Variants in TMPRSS11F observed in about 807,000 individuals in gnomAD.
The protein encoded by TMPRSS11F is transmembrane serine protease 11F.
A neutral mutation model predicts 60.2 loss-of-function variants in TMPRSS11F; 47 were observed. The ratio of observed to expected loss-of-function variants is 0.78; its 90% CI spans 0.62 to 1.00. The LOEUF (loss-of-function observed/expected upper bound fraction) is 1.00. TMPRSS11F is among the 50% of genes least tolerant of loss of function. The probability of loss-of-function intolerance (pLI) is 0.00; values close to 1 mark genes in which losing one functional copy is unlikely to be tolerated. For synonymous variants in TMPRSS11F, 166 were observed against 167.3 expected (o/e 0.99, Z 0.06); for missense variants, 519 against 522.9 (o/e 0.99, Z 0.07).
Position 68,090,575 on chromosome 4 carries a change from C to A in TMPRSS11F, c.230G>T (p.Gly77Val). 1 of 1,601,360 alleles carries A rather than the reference C, an allele frequency of 6.2e-7. No homozygotes were observed. The highest frequency in any genetic ancestry group is 2.2e-5 in the East Asian group (1 of 44,500). ...VTNIKYKENY[G>V]IRSSREFIER... Reference sequence around the variant, plus strand: ...TATAAACTCTCTTGAAGATCTTATGCCATAATTTTCTTTATATTTGATATT... The same window carrying A: ...TATAAACTCTCTTGAAGATCTTATGACATAATTTTCTTTATATTTGATATT... Residue 77 changes from glycine to valine, a missense_variant, in exon 3 of 10, where the codon GGC becomes GTC. Transcript: ENST00000356291.
At chr4:68,117,348 T>G (rs916975388) in intron 1 of TMPRSS11F, among the ~76,000 whole-genome samples, 1 of 151,230 alleles carries the variant, frequency 6.6e-6, no homozygotes, top group African/African-American at 2.4e-5. Context: ...GTGCCTGTAG[T>G]CCCAGCTGCT....
intron 3 of TMPRSS11F, among the ~76,000 whole-genome samples, chr4:68,082,549 C>T (rs1723719635): frequency 6.6e-6 from 1 of 152,232 alleles, no homozygotes; most frequent in African/African-American, 2.4e-5. Flanking sequence ...TGGCTGCTCC[C>T]ACAAGAACAT....
At chr4:68,066,500 T>G (rs1311305013) in intron 7 of TMPRSS11F, among the ~76,000 whole-genome samples, 1 of 152,206 alleles carries the variant, frequency 6.6e-6, no homozygotes, top group Non-Finnish European at 1.5e-5. Context: ...ATGGTTCTGG[T>G]CTCTTTCCAT....
At chr4:68,100,043 CAA>C (rs75779257) in intron 1 of TMPRSS11F, among the ~76,000 whole-genome samples, 35 of 88,354 alleles carry the variant, frequency 4.0e-4, no homozygotes, top group Non-Finnish European at 4.1e-4. Context: ...CTCACCAGGT[CAA>C]AAAAAAAAAA....
intron 7 of TMPRSS11F, 119 bp from the exon 8 acceptor site, chr4:68,065,063 A>C: frequency 9.8e-7 from 1 of 1,018,562 alleles, no homozygotes; most frequent in Non-Finnish European, 1.4e-6. Context: ...TTGGTGAGAA[A>C]GTTTGTAGTT....
At chr4:68,126,078 T>C (rs1724708042) in intron 1 of TMPRSS11F, among the ~76,000 whole-genome samples, 2 of 152,144 alleles carry the variant, frequency 1.3e-5, no homozygotes, top group Non-Finnish European at 2.9e-5. Flanking sequence ...TCATATATAT[T>C]TGCTTAATTA....
intron 1 of TMPRSS11F, among the ~76,000 whole-genome samples, chr4:68,120,543 T>C (rs900544797): frequency 3.3e-5 from 5 of 151,212 alleles, no homozygotes; most frequent in African/African-American, 1.2e-4. Flanking sequence ...CGCCCGCCAC[T>C]ACGCCCGGCT....
intron 3 of TMPRSS11F, among the ~76,000 whole-genome samples, chr4:68,078,021 C>T (rs1358009924): frequency 6.6e-6 from 1 of 152,030 alleles, no homozygotes; most frequent in South Asian, 2.1e-4. Context: ...GCTGGGCTGA[C>T]CTGCCCTGCC....
intron 1 of TMPRSS11F, among the ~76,000 whole-genome samples, chr4:68,124,283 CG>C (rs1431711866): frequency 6.6e-6 from 1 of 151,466 alleles, no homozygotes; most frequent in Non-Finnish European, 1.5e-5. Flanking sequence ...CATGGTGCCT[CG>C]CACCTATAAT....
chr4:68,115,356 C>CAAAAAAAAAAAAAAAAAAAAA (rs57550471), intron 1 of TMPRSS11F, among the ~76,000 whole-genome samples: 1 of 74,690 alleles, frequency 1.3e-5, no homozygotes. Flanking sequence ...GACACCATCT[C>CAAAAAAAAAAAAAAAAAAAAA]AAAAAAAAAA....
intron 4 of TMPRSS11F, among the ~76,000 whole-genome samples, chr4:68,073,374 T>C (rs1192926909): frequency 2.0e-5 from 3 of 150,166 alleles, no homozygotes; most frequent in African/African-American, 7.4e-5. Context: ...CTTTTCAGAA[T>C]GAATTTAATT....
At chr4:68,127,103 A>G (rs545346528) in intron 1 of TMPRSS11F, among the ~76,000 whole-genome samples, 1 of 152,284 alleles carries the variant, frequency 6.6e-6, no homozygotes, top group African/African-American at 2.4e-5. Flanking sequence ...TGGAAATTTA[A>G]CCTGGTGCAA....
chr4:68,096,164 T>C (rs1045541470), intron 2 of TMPRSS11F, among the ~76,000 whole-genome samples: 15 of 151,844 alleles, frequency 9.9e-5, no homozygotes, highest in African/African-American at 3.4e-4. Flanking sequence ...AGGCAGATGA[T>C]GCTTGCAACA....
At chr4:68,058,990 G>A (rs1723100516) in intron 9 of TMPRSS11F, among the ~76,000 whole-genome samples, 1 of 152,108 alleles carries the variant, frequency 6.6e-6, no homozygotes, top group Non-Finnish European at 1.5e-5. Context: ...TGCAGGGCTT[G>A]GAATGGAAAG....
chr4:68,117,940 T>C (rs1157687641), intron 1 of TMPRSS11F, among the ~76,000 whole-genome samples: 1 of 152,204 alleles, frequency 6.6e-6, no homozygotes, highest in African/African-American at 2.4e-5. Context: ...ACTTCTTTTC[T>C]TCTAAAATAA....
intron 2 of TMPRSS11F, among the ~76,000 whole-genome samples, chr4:68,096,928 T>G (rs181856953): frequency 6.6e-6 from 1 of 152,332 alleles, no homozygotes; most frequent in Non-Finnish European, 1.5e-5. Context: ...TTTCCCTGGT[T>G]ACTAGAATGT....
intron 7 of TMPRSS11F, among the ~76,000 whole-genome samples, chr4:68,067,954 T>C (rs1723365189): frequency 6.6e-6 from 1 of 152,174 alleles, no homozygotes; most frequent in South Asian, 2.1e-4. Context: ...CCTGACCTCT[T>C]GGGGCAGTAG....
intron 3 of TMPRSS11F, among the ~76,000 whole-genome samples, chr4:68,086,611 A>G (rs755480294): frequency 1.3e-5 from 2 of 152,150 alleles, no homozygotes; most frequent in Non-Finnish European, 2.9e-5. Context: ...AAGAATAAAC[A>G]AGACTGATAG....
In TMPRSS11F at chr4:68,095,785, A is replaced by G. The variant is rs112586101; in HGVS notation, c.163+3102T>C. 5.3e-3 allele frequency among the ~76,000 whole-genome samples: 792 copies of G among 149,746 alleles called. 9 individuals carry two copies. The highest frequency in any genetic ancestry group is 0.017 in the African/African-American group (680 of 41,030). On this transcript the variant is annotated intron_variant, in intron 2 of 9. Coordinates refer to ENST00000356291, the MANE Select transcript of TMPRSS11F (RefSeq NM_207407.2). ...GTGGCGGGTGCCTGTAATCCCAGCT[A>G]CTTGGGAGGCTGAGGCAGAAGAATT... is the stretch of plus-strand genomic sequence containing the variant.
Sources: allele counts gnomAD v4.1 joint callset (sites outside exome capture counted in the v4.1 genomes callset), GRCh38; gene constraint gnomAD v4.1.1; transcripts MANE v1.5; gene names NCBI Gene and HGNC (gene_info 2026-07-23, HGNC 2026-07-21).